DIS3L2: variants seen among roughly 807,000 people sequenced by gnomAD.
DIS3L2 encodes the protein DIS3 like 3'-5' exoribonuclease 2.
DIS3L2 carries 34 observed loss-of-function variants against 97.5 expected under a neutral mutation model. The observed-to-expected ratio is 0.35, with a 90% CI of 0.27 to 0.46. The LOEUF (loss-of-function observed/expected upper bound fraction) is 0.46, where lower values mean the gene tolerates loss of function less well. Ranked by LOEUF, DIS3L2 falls within the 20% of genes least tolerant of loss-of-function variation. The pLI is 1.00. For missense variants in DIS3L2, 1,038 were observed against 1,146.0 expected, an observed-to-expected ratio of 0.91 and a Z score of 1.36; for synonymous variants, 435 against 445.2, an observed-to-expected ratio of 0.98 and a Z score of 0.29.
At chr2:232,217,700 T>C (rs1235525555) in intron 10 of DIS3L2, among the ~76,000 whole-genome samples, 1 of 152,142 alleles carries the variant, frequency 6.6e-6, no homozygotes, top group Non-Finnish European at 1.5e-5. Context: ...TTGCAAAGGA[T>C]CCAGATAAAC....
intron 4 of DIS3L2, among the ~76,000 whole-genome samples, chr2:232,028,854 G>A (rs974729641): frequency 2.0e-5 from 3 of 152,156 alleles, no homozygotes; most frequent in African/African-American, 7.2e-5. Context: ...CTAGGGTGGG[G>A]TCAGTTTTGG....
chr2:231,979,639 G>A (rs996735498), intron 1 of DIS3L2, among the ~76,000 whole-genome samples: 7 of 152,140 alleles, frequency 4.6e-5, no homozygotes, highest in East Asian at 1.9e-4. Context: ...GTGCAGTGGT[G>A]TGATCTCGGC....
intron 1 of DIS3L2, among the ~76,000 whole-genome samples, chr2:232,001,002 A>T (rs564482698): frequency 7.9e-4 from 120 of 152,082 alleles, no homozygotes; most frequent in Middle Eastern, 3.4e-3. Context: ...TGAGAATAAT[A>T]CTGTAATGAA....
chr2:231,972,919 C>T (rs1471961625), intron 1 of DIS3L2, among the ~76,000 whole-genome samples: 1 of 152,158 alleles, frequency 6.6e-6, no homozygotes, highest in Non-Finnish European at 1.5e-5. Flanking sequence ...TATATTGTTG[C>T]AATTGATTTC....
chr2:232,079,599 C>CAAAAAAAAAAAAAAAAAAAA (rs760870721), intron 5 of DIS3L2, among the ~76,000 whole-genome samples: 1 of 29,630 alleles, frequency 3.4e-5, no homozygotes, highest in Non-Finnish European at 5.7e-5. Context: ...GACTCTATCT[C>CAAAAAAAAAAAAAAAAAAAA]AAAAAAAAAA....
chr2:232,081,982 G>T (rs577313884), intron 5 of DIS3L2, among the ~76,000 whole-genome samples: 1 of 152,188 alleles, frequency 6.6e-6, no homozygotes, highest in Non-Finnish European at 1.5e-5. Context: ...TAGAGACAGG[G>T]TTTCGCCATG....
In DIS3L2 at chr2:232,293,273, C is replaced by T. The variant is rs1419006516; in HGVS notation, c.1660-6767C>T. On this transcript the variant is annotated intron_variant, in intron 13 of 20. Coordinates refer to ENST00000325385, the MANE Select transcript of DIS3L2 (RefSeq NM_152383.5). This position sits in a 1 kb window ranked among gnomAD's most constrained non-coding sequence, Gnocchi z 4.6. Reference sequence around the variant, plus strand: ...TGGCAATTACTGAGCAGGAGGCAGACGTGAGGCAGAATTTATTTACTGAAG... The same window carrying T: ...TGGCAATTACTGAGCAGGAGGCAGATGTGAGGCAGAATTTATTTACTGAAG... 2.6e-5 allele frequency among the ~76,000 whole-genome samples: 4 copies of T among 152,040 alleles called. No individual in the cohort carries two copies. Among genetic ancestry groups the T allele is most frequent in the African/African-American group, 9.7e-5 (4 of 41,376 alleles).
At chr2:232,118,713 A>T (rs1024746437) in intron 6 of DIS3L2, among the ~76,000 whole-genome samples, 2 of 152,184 alleles carry the variant, frequency 1.3e-5, no homozygotes, top group African/African-American at 4.8e-5. Context: ...AGATTTGCCA[A>T]TTTGGCATCA....
chr2:232,073,662 A>C (rs1196750818), intron 5 of DIS3L2, among the ~76,000 whole-genome samples: 2 of 152,190 alleles, frequency 1.3e-5, no homozygotes, highest in Non-Finnish European at 2.9e-5. Flanking sequence ...AGTTCGGGTG[A>C]GCCAGCATAA....
At chr2:232,313,009 T>G (rs1377335745) in intron 14 of DIS3L2, among the ~76,000 whole-genome samples, 1 of 152,026 alleles carries the variant, frequency 6.6e-6, no homozygotes, top group East Asian at 1.9e-4. Flanking sequence ...GTGTAGATGC[T>G]TTTTTATTTC....
At chr2:232,000,893 T>C (rs1174178108) in intron 1 of DIS3L2, among the ~76,000 whole-genome samples, 1 of 151,552 alleles carries the variant, frequency 6.6e-6, no homozygotes, top group Non-Finnish European at 1.5e-5. Flanking sequence ...TGTTTGTTTG[T>C]TTGTTAAACC....
chr2:231,988,562 T>C (rs1693486480), intron 1 of DIS3L2, among the ~76,000 whole-genome samples: 1 of 152,222 alleles, frequency 6.6e-6, no homozygotes, highest in South Asian at 2.1e-4. Flanking sequence ...TCCGTGACTT[T>C]GAGGGTAAAT....
At chr2:232,339,772 A>C (rs993648846), downstream of DIS3L2, 7 of 454,476 alleles carry the variant, frequency 1.5e-5, no homozygotes, top group African/African-American at 1.4e-4. Flanking sequence ...TTGGGAGCGC[A>C]GGCAGGATGG....
chr2:231,987,741 G>A (rs988389637), intron 1 of DIS3L2, among the ~76,000 whole-genome samples: 1 of 152,188 alleles, frequency 6.6e-6, no homozygotes, highest in African/African-American at 2.4e-5. Flanking sequence ...CTGGTGTTTT[G>A]ACTTCTTTTT....
At chr2:232,115,064 C>G (rs964337507) in intron 6 of DIS3L2, among the ~76,000 whole-genome samples, 1 of 152,030 alleles carries the variant, frequency 6.6e-6, no homozygotes. Flanking sequence ...CCCATGATAA[C>G]CCATTAATCC....
At chr2:232,338,311 G>A (rs1384218443), downstream of DIS3L2, among the ~76,000 whole-genome samples, 4 of 152,136 alleles carry the variant, frequency 2.6e-5, no homozygotes, top group Non-Finnish European at 4.4e-5. Flanking sequence ...AGACCCGGAC[G>A]GACACCTGTC....
intron 5 of DIS3L2, among the ~76,000 whole-genome samples, chr2:232,069,947 A>C (rs1212417000): frequency 1.3e-5 from 2 of 152,208 alleles, no homozygotes; most frequent in African/African-American, 4.8e-5. Flanking sequence ...AATGACAGCC[A>C]GTTCAAGTTG....
chr2:232,030,456 A>G (rs1694775425), intron 5 of DIS3L2, among the ~76,000 whole-genome samples: 2 of 152,184 alleles, frequency 1.3e-5, no homozygotes, highest in Admixed American at 6.6e-5. Flanking sequence ...GTCCCCACGC[A>G]TTTCTGCTGC....
At chr2:232,055,568 A>G (rs1695524310) in intron 5 of DIS3L2, among the ~76,000 whole-genome samples, 1 of 152,228 alleles carries the variant, frequency 6.6e-6, no homozygotes, top group Non-Finnish European at 1.5e-5. Flanking sequence ...GCTGCATTTA[A>G]CAGAATCCAA....
Sources: gnomAD v4.1 joint callset for allele counts (sites outside exome capture counted in the v4.1 genomes callset) on GRCh38, gnomAD v4.1.1 for gene constraint, Gnocchi (gnomAD v3.1) non-coding constraint, MANE v1.5 for transcripts, NCBI Gene and HGNC (gene_info 2026-07-23, HGNC 2026-07-21) for gene names.